The following ABCA13 variants were observed in gnomAD, a reference collection of about 807,000 sequenced individuals.
ABCA13 encodes the protein ATP-binding cassette sub-family A member 13.
A neutral mutation model predicts 478.7 loss-of-function variants in ABCA13; 476 were observed. The observed-to-expected ratio is 0.99, with a 90% CI of 0.92 to 1.07. The LOEUF is 1.07. ABCA13 is among the 50% of genes least tolerant of loss of function. The pLI, the probability that ABCA13 is intolerant of heterozygous loss-of-function variation, is 0.00. For synonymous variants in ABCA13, 2,252 were observed against 2,158.9 expected, an observed-to-expected ratio of 1.04 and a Z score of -1.20; for missense variants, 6,060 against 5,910.6, an observed-to-expected ratio of 1.03 and a Z score of -0.83.
intron 48 of ABCA13, among the ~76,000 whole-genome samples, chr7:48,502,485 C>G (rs572876098): frequency 1.3e-5 from 2 of 152,324 alleles, no homozygotes; most frequent in South Asian, 2.1e-4. Flanking sequence ...CCCACAGAAA[C>G]AGCAGTGTTC....
intron 59 of ABCA13, among the ~76,000 whole-genome samples, chr7:48,642,886 T>A (rs1301647726): frequency 6.6e-6 from 1 of 152,202 alleles, no homozygotes; most frequent in Non-Finnish European, 1.5e-5. Flanking sequence ...CCTTTCATCT[T>A]TTCCCAGCCA....
At chr7:48,336,966 CAG>C (rs972501590) in intron 28 of ABCA13, among the ~76,000 whole-genome samples, 1 of 152,180 alleles carries the variant, frequency 6.6e-6, no homozygotes, top group African/African-American at 2.4e-5. Flanking sequence ...GAACATAAAA[CAG>C]TGCCTAACTC....
intron 49 of ABCA13, 89 bp from the exon 50 acceptor site, chr7:48,507,783 T>C (rs1358733507): frequency 7.2e-6 from 10 of 1,390,874 alleles, no homozygotes; most frequent in Non-Finnish European, 9.6e-6. Context: ...TTAGCAGTTT[T>C]CACTGCTGTC....
intron 35 of ABCA13, among the ~76,000 whole-genome samples, chr7:48,380,862 C>A (rs1025548527): frequency 6.6e-6 from 1 of 152,112 alleles, no homozygotes; most frequent in Admixed American, 6.5e-5. Flanking sequence ...CCAGAGCCCA[C>A]GCCCCTACCA....
intron 38 of ABCA13, among the ~76,000 whole-genome samples, chr7:48,396,096 C>G (rs1204885795): frequency 2.6e-5 from 4 of 152,228 alleles, no homozygotes; most frequent in African/African-American, 4.8e-5. Flanking sequence ...GGCCTGTGCT[C>G]CTGCCCATGC....
intron 45 of ABCA13, among the ~76,000 whole-genome samples, chr7:48,475,938 T>G (rs758811953): frequency 3.3e-5 from 5 of 152,218 alleles, no homozygotes; most frequent in Admixed American, 6.5e-5. Context: ...TTTTAGGGTC[T>G]GAGCTCCAGT....
intron 44 of ABCA13, among the ~76,000 whole-genome samples, chr7:48,467,900 G>GTAAGAAAGAA (rs1481499701): frequency 6.6e-6 from 1 of 152,152 alleles, no homozygotes; most frequent in African/African-American, 2.4e-5. Context: ...AATGTTCTCA[G>GTAAGAAAGAA]TAAGAAAGAA....
chr7:48,401,230 A>G (rs1177838639), intron 38 of ABCA13, among the ~76,000 whole-genome samples: 1 of 152,258 alleles, frequency 6.6e-6, no homozygotes, highest in Non-Finnish European at 1.5e-5. Context: ...TACCCAGTGT[A>G]TGATACATGT....
At chr7:48,494,039 C>T (rs1334260631) in intron 48 of ABCA13, among the ~76,000 whole-genome samples, 1 of 152,166 alleles carries the variant, frequency 6.6e-6, no homozygotes, top group African/African-American at 2.4e-5. Flanking sequence ...CAGGGGAGGA[C>T]TGTTCTGTAT....
At chr7:48,193,205 C>T (rs189981035) in intron 2 of ABCA13, among the ~76,000 whole-genome samples, 153 bp downstream of exon 2, 2 of 152,248 alleles carry the variant, frequency 1.3e-5, no homozygotes, top group African/African-American at 4.8e-5. Context: ...GAGTATATGT[C>T]AATAAGCCAC....
intron 3 of ABCA13, among the ~76,000 whole-genome samples, chr7:48,202,855 G>T (rs1310917551): frequency 6.6e-6 from 1 of 152,274 alleles, no homozygotes; most frequent in Non-Finnish European, 1.5e-5. Flanking sequence ...TTCACCCAGT[G>T]GATCCCGCAC....
rs190225921 is a variant in ABCA13, at chr7:48,408,274, C to T, written c.12071-2246C>T. 7.9e-5 allele frequency among the ~76,000 whole-genome samples: 12 copies of T among 152,344 alleles called. No homozygotes were observed. In the East Asian group the frequency reaches 2.1e-3, roughly 27 times the overall value. ...TGCCCCGCCAGCTCCTGGCAACAAC[C>T]ATTCTACTCTTTGCTTCTCTTTTGG... On this transcript the variant is annotated intron_variant, in intron 39 of 61. Coordinates refer to ENST00000435803, the MANE Select transcript of ABCA13 (RefSeq NM_152701.5).
rs187162056 is a variant in ABCA13, at chr7:48,308,472, G to A, written c.9322-1475G>A. Among the ~76,000 whole-genome samples the A allele has an allele frequency of 3.5e-4, 53 of 152,108 alleles. 1 individual carries two copies. Among genetic ancestry groups the A allele is most frequent in the Middle Eastern group, 6.8e-3 (2 of 294 alleles). On this transcript the variant is annotated intron_variant, in intron 23 of 61. Coordinates refer to ENST00000435803, the MANE Select transcript of ABCA13 (RefSeq NM_152701.5). ...TCACTATTATGTACTGTACATAATT[G>A]TGTGTGTGATACTTTTGCTATGAAT...
chr7:48,359,296 A>G (rs866181136), intron 31 of ABCA13, among the ~76,000 whole-genome samples: 4 of 152,070 alleles, frequency 2.6e-5, no homozygotes, highest in Middle Eastern at 3.4e-3. Context: ...GTCAATCTGC[A>G]TGACTCTGGC....
At chr7:48,247,356 A>C (rs1791854750) in intron 13 of ABCA13, among the ~76,000 whole-genome samples, 1 of 152,170 alleles carries the variant, frequency 6.6e-6, no homozygotes, top group Non-Finnish European at 1.5e-5. Context: ...TCCTGGCAGA[A>C]ATCCTATCTC....
At chr7:48,219,277 A>G in intron 3 of ABCA13, 77 bp from the exon 4 acceptor site, 2 of 1,468,896 alleles carry the variant, frequency 1.4e-6, no homozygotes, top group Non-Finnish European at 1.8e-6. Context: ...GCAATTTGGT[A>G]TCAAGAATCT....
rs1284057378 is a variant in ABCA13, at chr7:48,249,385, A to C, written c.2005+34A>C. The stretch of plus-strand genomic sequence containing the variant: ...GTAGCCTAAACTACAGGAATGGGGG[A>C]TGCTTTCCCCTTTTAGTGAGGTGAC... On this transcript the variant is annotated intron_variant, in intron 15 of 61. Transcript: ENST00000435803. 4.4e-6 allele frequency: 7 copies of C among 1,607,866 alleles called. No individual in the cohort carries two copies. The South Asian group carries it at 7.8e-5, about 18-fold the overall frequency.
At position 48,356,886 on chromosome 7, in the gene ABCA13, A is replaced by C. The variant is rs1314051995; in HGVS notation, c.10688+4399A>C. On this transcript the variant is annotated intron_variant, in intron 31 of 61. Coordinates refer to ENST00000435803, the MANE Select transcript of ABCA13 (RefSeq NM_152701.5). ...GCTTCAAAGAATAAGCCAACTTAAT[A>C]AACAGGTTTTCAGAAAACAAAAACC... is the stretch of plus-strand genomic sequence containing the variant. Among the ~76,000 whole-genome samples the C allele has an allele frequency of 3.3e-5, 5 of 152,186 alleles. No homozygotes were observed. The East Asian group carries it at 9.6e-4, about 29-fold the overall frequency.
rs368515772 is a variant in ABCA13 at position 48,381,712 on chromosome 7, T to C, written c.11335+5140T>C. 1.9e-4 allele frequency among the ~76,000 whole-genome samples: 29 copies of C among 152,270 alleles called. No individual in the cohort carries two copies. The East Asian group carries it at 2.3e-3, about 12-fold the overall frequency. On this transcript the variant is annotated intron_variant, in intron 35 of 61. Transcript: ENST00000435803. Reference sequence around the variant, plus strand: ...TCATTGACCTCTTCTTTTATCACTGTCAGTTTTGGGGGGCAATGCTGATTA... The same window carrying C: ...TCATTGACCTCTTCTTTTATCACTGCCAGTTTTGGGGGGCAATGCTGATTA...
Sources: allele counts gnomAD v4.1 joint callset (sites outside exome capture counted in the v4.1 genomes callset), GRCh38; gene constraint gnomAD v4.1.1; transcripts MANE v1.5; gene names NCBI Gene and HGNC (gene_info 2026-07-23, HGNC 2026-07-21).